Variants in BTBD9 observed in about 807,000 individuals in gnomAD.
BTBD9 encodes BTB/POZ domain-containing protein 9.
Under a neutral mutation model 64.3 loss-of-function variants are expected in BTBD9, and 49 were observed. The ratio of observed to expected loss-of-function variants is 0.76; its 90% CI spans 0.61 to 0.97. BTBD9 has a LOEUF of 0.97. Ranked by LOEUF, BTBD9 falls within the 50% of genes least tolerant of loss-of-function variation. The probability of loss-of-function intolerance (pLI) is 0.00; values close to 1 mark genes in which losing one functional copy is unlikely to be tolerated. For synonymous variants in BTBD9, 260 were observed against 274.7 expected (o/e 0.95, Z 0.53); for missense variants, 598 against 762.1 (o/e 0.78, Z 2.53).
chr6:38,535,672 C>A (rs1394317736), intron 6 of BTBD9, among the ~76,000 whole-genome samples: 2 of 151,922 alleles, frequency 1.3e-5, no homozygotes, highest in African/African-American at 4.8e-5. Flanking sequence ...CATAGACCAA[C>A]GGAACAGAAT....
At chr6:38,291,897 G>A (rs1761976746) in intron 7 of BTBD9, among the ~76,000 whole-genome samples, 1 of 151,826 alleles carries the variant, frequency 6.6e-6, no homozygotes, top group Non-Finnish European at 1.5e-5. Flanking sequence ...CAGTTTGCCA[G>A]TATTTTATTG....
intron 8 of BTBD9, among the ~76,000 whole-genome samples, chr6:38,279,592 G>A (rs1485438408): frequency 6.6e-6 from 1 of 152,130 alleles, no homozygotes; most frequent in Non-Finnish European, 1.5e-5. Flanking sequence ...TAGCCCTCAT[G>A]AGAATAGCTG....
Position 38,602,241 on chromosome 6 carries a change from A to G in BTBD9, c.-27-4120T>C, listed in dbSNP as rs370077913. Among the ~76,000 whole-genome samples the G allele has an allele frequency of 8.8e-4, 134 of 152,294 alleles. No individual in the cohort carries two copies. The South Asian group carries it at 0.027, about 30-fold the overall frequency. ...ATTTGGAAAAAAGCTGAACAGTCAC[A>G]TAAGAGTACAAAATGAAATATATAT... On this transcript the variant is annotated intron_variant, in intron 1 of 10. Coordinates refer to ENST00000481247, the MANE Select transcript of BTBD9 (RefSeq NM_001099272.2).
At chr6:38,298,003 G>C (rs918497868) in intron 7 of BTBD9, among the ~76,000 whole-genome samples, 2 of 151,690 alleles carry the variant, frequency 1.3e-5, no homozygotes, top group African/African-American at 2.4e-5. Flanking sequence ...ACCACACCCG[G>C]CTAATTTTTT....
At chr6:38,427,373 C>G (rs2127289264) in intron 6 of BTBD9, among the ~76,000 whole-genome samples, 1 of 151,990 alleles carries the variant, frequency 6.6e-6, no homozygotes, top group South Asian at 2.1e-4. Context: ...CACCCCAGAC[C>G]AATTTCATTA....
chr6:38,382,531 A>G (rs1229292463), intron 6 of BTBD9, among the ~76,000 whole-genome samples: 1 of 151,094 alleles, frequency 6.6e-6, no homozygotes, highest in African/African-American at 2.4e-5. Flanking sequence ...AAAAAAAAAA[A>G]GAAAAGAAAA....
chr6:38,427,268 T>C (rs770361889), intron 6 of BTBD9, among the ~76,000 whole-genome samples: 9 of 151,010 alleles, frequency 6.0e-5, no homozygotes, highest in South Asian at 2.1e-4. Context: ...GGCAGGAGGA[T>C]TGCTTGAGCC....
intron 6 of BTBD9, among the ~76,000 whole-genome samples, chr6:38,438,895 G>A (rs368621657): frequency 1.3e-5 from 2 of 152,170 alleles, no homozygotes; most frequent in African/African-American, 4.8e-5. Context: ...GAGGCCTGAA[G>A]GGAGTGAGGA....
intron 9 of BTBD9, among the ~76,000 whole-genome samples, chr6:38,210,013 G>C (rs572693334): frequency 6.6e-6 from 1 of 152,304 alleles, no homozygotes; most frequent in South Asian, 2.1e-4. Flanking sequence ...CGCTGTGGCA[G>C]CTACAGAAAG....
At chr6:38,567,501 T>TA (rs1775575959) in intron 6 of BTBD9, among the ~76,000 whole-genome samples, 1 of 152,002 alleles carries the variant, frequency 6.6e-6, no homozygotes, top group African/African-American at 2.4e-5. Flanking sequence ...CACAATCCAC[T>TA]CCCCCCACCT....
chr6:38,592,479 C>T (rs1427461021), intron 4 of BTBD9, 97 bp downstream of exon 4: 83 of 1,308,830 alleles, frequency 6.3e-5, no homozygotes, highest in Middle Eastern at 1.9e-4. Flanking sequence ...ATTTCATGTA[C>T]ACCTGCACTA....
chr6:38,565,298 A>C (rs542128620), intron 6 of BTBD9, among the ~76,000 whole-genome samples: 3 of 152,232 alleles, frequency 2.0e-5, no homozygotes, highest in Admixed American at 6.5e-5. Context: ...TTGTAGGGAG[A>C]TGTCCTGTGC....
intron 9 of BTBD9, among the ~76,000 whole-genome samples, chr6:38,244,071 C>A (rs908131320): frequency 1.1e-4 from 16 of 152,154 alleles, no homozygotes; most frequent in African/African-American, 3.6e-4. Context: ...TCAAAACGAC[C>A]ATGCCTTTCC....
chr6:38,218,264 C>T (rs1274693297), intron 9 of BTBD9, among the ~76,000 whole-genome samples: 1 of 152,224 alleles, frequency 6.6e-6, no homozygotes, highest in Non-Finnish European at 1.5e-5. Context: ...GTCACACATT[C>T]ATTTTTAAAA....
At chr6:38,312,361 A>G (rs867866169) in intron 7 of BTBD9, among the ~76,000 whole-genome samples, 1 of 152,198 alleles carries the variant, frequency 6.6e-6, no homozygotes, top group South Asian at 2.1e-4. Flanking sequence ...CCTGTGGAAT[A>G]TTTCTTTGCT....
At chr6:38,453,111 A>C (rs774589665) in intron 6 of BTBD9, among the ~76,000 whole-genome samples, 2 of 152,200 alleles carry the variant, frequency 1.3e-5, no homozygotes, top group Non-Finnish European at 2.9e-5. Flanking sequence ...CAATAGTTTG[A>C]GTGAAAATTT....
Position 38,276,050 on chromosome 6 carries a change from A to G in BTBD9, c.1454+12222T>C, listed in dbSNP as rs563626841. Among the ~76,000 whole-genome samples, 68 of 152,228 alleles carry G rather than the reference A, an allele frequency of 4.5e-4. No individual in the cohort carries two copies. The South Asian group carries it at 6.4e-3, about 14-fold the overall frequency. On this transcript the variant is annotated intron_variant, in intron 8 of 10. Transcript: ENST00000481247. The stretch of plus-strand genomic sequence containing the variant: ...TGCTGCTATAAAGACACATGCACAC[A>G]TATGTTTATTGCGGCACTATTCACA...
At chr6:38,615,831 T>G (rs1582721463) in intron 1 of BTBD9, among the ~76,000 whole-genome samples, 1 of 152,178 alleles carries the variant, frequency 6.6e-6, no homozygotes, top group East Asian at 1.9e-4. Flanking sequence ...ATTATTGCGG[T>G]CCTTTTTCAA....
At chr6:38,606,928 C>G (rs1417739002) in intron 1 of BTBD9, among the ~76,000 whole-genome samples, 1 of 152,096 alleles carries the variant, frequency 6.6e-6, no homozygotes, top group South Asian at 2.1e-4. Context: ...CTTATAAAAC[C>G]TTGCTAAGTA....
Sources: gnomAD v4.1 joint callset for allele counts (sites outside exome capture counted in the v4.1 genomes callset) on GRCh38, gnomAD v4.1.1 for gene constraint, MANE v1.5 for transcripts, NCBI Gene and HGNC (gene_info 2026-07-23, HGNC 2026-07-21) for gene names.